CXCL13: variants seen among roughly 807,000 people sequenced by gnomAD.
The protein encoded by CXCL13 is C-X-C motif chemokine ligand 13, also known as C-X-C motif chemokine 13.
Under a neutral mutation model 12.2 loss-of-function variants are expected in CXCL13, and 7 were observed. That is an observed-to-expected ratio of 0.57 (90% CI 0.33 to 1.07). The LOEUF (loss-of-function observed/expected upper bound fraction) is 1.07. CXCL13 is among the 50% of genes least tolerant of loss of function. The pLI, the probability that CXCL13 is intolerant of heterozygous loss-of-function variation, is 0.04. For synonymous variants in CXCL13, 47 were observed against 42.4 expected (o/e 1.11, Z -0.42); for missense variants, 113 against 127.4 (o/e 0.89, Z 0.55).
At chr4:77,607,380 T>TCTC (rs1395024491) in intron 1 of CXCL13, among the ~76,000 whole-genome samples, 1 of 152,142 alleles carries the variant, frequency 6.6e-6, no homozygotes, top group Non-Finnish European at 1.5e-5. Flanking sequence ...TGAGATGGGG[T>TCTC]CTCCGTTTGT....
intron 1 of CXCL13, among the ~76,000 whole-genome samples, chr4:77,595,884 CA>C (rs1428244134): frequency 6.6e-6 from 1 of 152,154 alleles, no homozygotes; most frequent in East Asian, 1.9e-4. Context: ...CTTCCTAAGA[CA>C]ATGTCCCCTG....
chr4:77,519,676 G>C (rs1042351906), intron 1 of CXCL13, among the ~76,000 whole-genome samples: 3 of 152,108 alleles, frequency 2.0e-5, no homozygotes, highest in East Asian at 1.9e-4. Flanking sequence ...CCTGTTCACT[G>C]TGATGGTAGT....
At chr4:77,606,114 A>G (rs1726998236) in intron 1 of CXCL13, among the ~76,000 whole-genome samples, 185 bp downstream of exon 1, 1 of 152,210 alleles carries the variant, frequency 6.6e-6, no homozygotes, top group Admixed American at 6.5e-5. Flanking sequence ...AAGTATTTAT[A>G]TTGTTAAGAT....
chr4:77,557,978 G>A (rs747427234), intron 1 of CXCL13, among the ~76,000 whole-genome samples: 1 of 152,178 alleles, frequency 6.6e-6, no homozygotes, highest in Non-Finnish European at 1.5e-5. Context: ...AGCCATCTTA[G>A]GGGTGTGTTT....
chr4:77,574,568 A>G (rs1245451740), intron 1 of CXCL13, among the ~76,000 whole-genome samples: 1 of 151,894 alleles, frequency 6.6e-6, no homozygotes. Context: ...CCACAGGCCA[A>G]TATTTCTTTC....
intron 1 of CXCL13, among the ~76,000 whole-genome samples, chr4:77,580,546 C>T (rs1726304305): frequency 6.6e-6 from 1 of 151,480 alleles, no homozygotes; most frequent in African/African-American, 2.4e-5. Flanking sequence ...TGGATGGTTT[C>T]CATCTCTTGA....
chr4:77,571,144 C>T (rs568427065), intron 1 of CXCL13, among the ~76,000 whole-genome samples: 8 of 152,038 alleles, frequency 5.3e-5, no homozygotes, highest in South Asian at 4.1e-4. Flanking sequence ...GGTGGGGATG[C>T]GGAGAGTCTT....
chr4:77,516,744 C>G (rs1419799497), intron 1 of CXCL13, among the ~76,000 whole-genome samples: 1 of 151,872 alleles, frequency 6.6e-6, no homozygotes, highest in African/African-American at 2.4e-5. Flanking sequence ...TTTTGTTGAT[C>G]CATTCAAAAA....
chr4:77,514,878 A>G (rs1724376422), intron 1 of CXCL13, among the ~76,000 whole-genome samples: 1 of 152,018 alleles, frequency 6.6e-6, no homozygotes, highest in African/African-American at 2.4e-5. Flanking sequence ...TGAAGTCCTT[A>G]CCCGTGCCTA....
intron 2 of CXCL13, among the ~76,000 whole-genome samples, chr4:77,608,500 C>T (rs1175861758): frequency 2.0e-5 from 3 of 152,110 alleles, no homozygotes; most frequent in East Asian, 1.9e-4. Flanking sequence ...ACATTTTCCC[C>T]GTTGCAAAGC....
At chr4:77,549,526 G>A (rs1427925895) in intron 1 of CXCL13, among the ~76,000 whole-genome samples, 1 of 152,178 alleles carries the variant, frequency 6.6e-6, no homozygotes, top group Non-Finnish European at 1.5e-5. Flanking sequence ...TTTTGGTGTG[G>A]ATGTTCTTTT....
At chr4:77,573,350 C>T (rs1451417233) in intron 1 of CXCL13, among the ~76,000 whole-genome samples, 3 of 143,390 alleles carry the variant, frequency 2.1e-5, no homozygotes, top group Non-Finnish European at 3.0e-5. Context: ...AGAAAAAAAG[C>T]TATTGGGTCT....
intron 1 of CXCL13, among the ~76,000 whole-genome samples, chr4:77,570,499 G>A (rs1330804694): frequency 6.6e-6 from 1 of 152,340 alleles, no homozygotes; most frequent in East Asian, 1.9e-4. Context: ...GTGACAGCAT[G>A]CTGGCAGTCC....
In CXCL13 at chr4:77,566,565, T is replaced by TA. The variant is rs1367700803; in HGVS notation, c.-42-39248dup. Among the ~76,000 whole-genome samples, 574 of 148,984 alleles carry TA rather than the reference T, an allele frequency of 3.9e-3. 1 individual carries two copies. The highest frequency in any genetic ancestry group is 5.9e-3 in the Non-Finnish European group (393 of 66,834). ...TTTACCATCAAACCTGTTTTAAATT[T>TA]AAAAAAAAAAATCCTTGAGGTGCAA... On this transcript the variant is annotated intron_variant, in intron 1 of 4. Transcript: ENST00000286758.
At chr4:77,606,552 A>C (rs1000138291) in intron 1 of CXCL13, among the ~76,000 whole-genome samples, 3 of 152,194 alleles carry the variant, frequency 2.0e-5, no homozygotes, top group African/African-American at 7.2e-5. Context: ...TAGAAGGCCA[A>C]ATTTTTGTTC....
intron 1 of CXCL13, among the ~76,000 whole-genome samples, chr4:77,599,076 A>G (rs769121610): frequency 1.1e-4 from 17 of 152,166 alleles, no homozygotes; most frequent in Non-Finnish European, 2.4e-4. Context: ...CCCAAAATGC[A>G]GAGATTACAG....
intron 1 of CXCL13, among the ~76,000 whole-genome samples, chr4:77,545,311 G>A (rs1332906871): frequency 1.3e-5 from 2 of 152,044 alleles, no homozygotes; most frequent in East Asian, 1.9e-4. Context: ...GATGGGGATG[G>A]CATTGAATCT....
At chr4:77,530,853 T>C (rs1724896264) in intron 1 of CXCL13, among the ~76,000 whole-genome samples, 1 of 152,072 alleles carries the variant, frequency 6.6e-6, no homozygotes, top group African/African-American at 2.4e-5. Context: ...TCTAGTTCTT[T>C]TAATTGTGAT....
chr4:77,530,205 G>A (rs987094834), intron 1 of CXCL13, among the ~76,000 whole-genome samples: 3 of 152,080 alleles, frequency 2.0e-5, no homozygotes, highest in South Asian at 2.1e-4. Flanking sequence ...TTTTTGCATC[G>A]ATGTTCATCA....
Sources: gnomAD v4.1 joint callset for allele counts (sites outside exome capture counted in the v4.1 genomes callset) on GRCh38, gnomAD v4.1.1 for gene constraint, MANE v1.5 for transcripts, NCBI Gene and HGNC (gene_info 2026-07-23, HGNC 2026-07-21) for gene names.